Variants in ACTN4 observed in about 807,000 individuals in gnomAD.
ACTN4 encodes actinin alpha 4.
ACTN4 carries 18 observed loss-of-function variants against 114.2 expected under a neutral mutation model. That is an observed-to-expected ratio of 0.16 (90% CI 0.11 to 0.23). The LOEUF (loss-of-function observed/expected upper bound fraction) is 0.23, where lower values mean the gene tolerates loss of function less well. Ranked by LOEUF, ACTN4 falls within the 10% of genes least tolerant of loss-of-function variation. ACTN4 has a pLI of 1.00. For missense variants in ACTN4, 722 were observed against 1,262.9 expected (o/e 0.57, Z 6.49); for synonymous variants, 515 against 506.3 (o/e 1.02, Z -0.23).
chr19:38,728,415 T>G (rs1969326125), intron 19 of ACTN4: 2 of 710,860 alleles, frequency 2.8e-6, no homozygotes, highest in Non-Finnish European at 3.7e-6. Context: ...CACCCGCTCC[T>G]CCTCCTCCTC....
rs769386013 is a variant in ACTN4 at position 38,727,144 on chromosome 19, G to A, written c.2337+41G>A. Reference sequence around the variant, plus strand: ...CCTCCTCGGCCTCTCCCCTCCCGCCGTTGCCGTACCAGCCCACACCTTCGT... The same window carrying A: ...CCTCCTCGGCCTCTCCCCTCCCGCCATTGCCGTACCAGCCCACACCTTCGT... On this transcript the variant is annotated intron_variant, in intron 18 of 20. Coordinates refer to ENST00000252699, the MANE Select transcript of ACTN4 (RefSeq NM_004924.6). The surrounding 1 kb of genome is among the most constrained non-coding windows in gnomAD (Gnocchi z 5.4). 2.4e-5 allele frequency: 38 copies of A among 1,613,026 alleles called. No individual in the cohort carries two copies. The highest frequency in any genetic ancestry group is 8.8e-5 in the South Asian group (8 of 91,070).
rs1969432422 is a variant in ACTN4 at position 38,730,001 on chromosome 19, G to A, written c.*569G>A. Reference sequence around the variant, plus strand: ...GCTTTTGCAGCAGAGGAGCTGAGTTGGCAGACCGGGCCCCCCTGAACCGCA... The same window carrying A: ...GCTTTTGCAGCAGAGGAGCTGAGTTAGCAGACCGGGCCCCCCTGAACCGCA... On this transcript the variant is annotated 3_prime_UTR_variant, in exon 21 of 21. Transcript: ENST00000252699. 1 of 302,982 alleles carries A rather than the reference G, an allele frequency of 3.3e-6. No homozygotes were observed. 18.8% of individuals were successfully genotyped at this position (302,982 alleles called of 1,614,324 possible). A position where few individuals can be genotyped will look rare whatever the true frequency, so the allele number is the denominator to read the frequency against.
At chr19:38,706,887 C>G (rs8105069) in intron 5 of ACTN4, among the ~76,000 whole-genome samples, 8,616 of 152,298 alleles carry the variant, frequency 0.057, 260 homozygotes, top group South Asian at 0.096. Context: ...GTCCACCATC[C>G]CCGTAGCTGA....
chr19:38,718,221 T>C, intron 11 of ACTN4, 147 bp downstream of exon 11: 1 of 1,366,490 alleles, frequency 7.3e-7, no homozygotes, highest in Non-Finnish European at 1.0e-6. Flanking sequence ...GGAGCATGTG[T>C]GTGTGTCAGA....
At chr19:38,679,562 G>GGTGTGTGTGTGTGTGTGT (rs752412184) in intron 1 of ACTN4, among the ~76,000 whole-genome samples, 1 of 96,298 alleles carries the variant, frequency 1.0e-5, no homozygotes, top group African/African-American at 3.3e-5. Context: ...AATAGATTTG[G>GGTGTGTGTGTGTGTGTGT]GTGTGCGTGT....
At chr19:38,728,410 G>GCCCCTCCTCCTCCTC in intron 19 of ACTN4, 1 of 771,544 alleles carries the variant, frequency 1.3e-6, no homozygotes, top group Non-Finnish European at 1.8e-6. Context: ...CCAGCCACCC[G>GCCCCTCCTCCTCCTC]CTCCTCCTCC....
At position 38,731,220 on chromosome 19, in the gene ACTN4, A is replaced by G. The variant is rs1458644268; in HGVS notation, c.*1788A>G. The G allele has an allele frequency of 2.5e-6, 4 of 1,612,142 alleles. No individual in the cohort carries two copies. The highest frequency in any genetic ancestry group is 3.4e-6 in the Non-Finnish European group (4 of 1,179,796). The stretch of plus-strand genomic sequence containing the variant: ...CTGGGTCAGCTGGTTGTTCAGGTGG[A>G]AGCCTAGGGGGAGGCTGCTTCTGAG... On this transcript the variant is annotated 3_prime_UTR_variant, in exon 21 of 21. Transcript: ENST00000252699.
intron 1 of ACTN4, among the ~76,000 whole-genome samples, chr19:38,653,170 T>A (rs567836029): frequency 6.6e-6 from 1 of 152,250 alleles, no homozygotes; most frequent in South Asian, 2.1e-4. Context: ...TTCTGCTGTT[T>A]CAACATATGC....
intron 1 of ACTN4, among the ~76,000 whole-genome samples, chr19:38,678,628 C>T: frequency 6.6e-6 from 1 of 152,338 alleles, no homozygotes; most frequent in East Asian, 1.9e-4. Context: ...AGCTCCCTGG[C>T]TCTCTCCGGG....
At chr19:38,718,741 C>T (rs1334864654) in intron 11 of ACTN4, among the ~76,000 whole-genome samples, 1 of 152,170 alleles carries the variant, frequency 6.6e-6, no homozygotes, top group African/African-American at 2.4e-5. Context: ...GCGTGTCTTC[C>T]CCATCCAGGG....
chr19:38,683,736 T>A (rs1219856636), intron 1 of ACTN4: 3 of 152,248 alleles, frequency 2.0e-5, no homozygotes, highest in Admixed American at 1.3e-4. Flanking sequence ...TCTGTCATCA[T>A]GCCCATATAA....
intron 3 of ACTN4, 61 bp from the exon 4 acceptor site, chr19:38,704,873 C>T (rs1483195595): frequency 1.3e-5 from 19 of 1,512,086 alleles, no homozygotes; most frequent in South Asian, 4.5e-5. Flanking sequence ...TCAGGTTGGG[C>T]GGAGGAGCCT....
chr19:38,666,356 G>A (rs1443611601), intron 1 of ACTN4, among the ~76,000 whole-genome samples: 1 of 152,236 alleles, frequency 6.6e-6, no homozygotes, highest in South Asian at 2.1e-4. Context: ...AGTGACAACC[G>A]ATGGGGGCTG....
intron 8 of ACTN4, chr19:38,710,848 C>G: frequency 3.9e-6 from 1 of 256,132 alleles, no homozygotes; most frequent in African/African-American, 2.2e-5. Flanking sequence ...ATTCAGGGAC[C>G]AGCTAGAGAG....
chr19:38,693,035 G>A (rs1224585225), intron 1 of ACTN4, among the ~76,000 whole-genome samples: 1 of 152,218 alleles, frequency 6.6e-6, no homozygotes, highest in Non-Finnish European at 1.5e-5. Context: ...AGTCAACCCT[G>A]AGCCTGGGCA....
rs1243983126 is a variant in ACTN4, at chr19:38,717,769, G to A, written c.1144-158G>A. The stretch of plus-strand genomic sequence containing the variant: ...GAATTGATTGTACCTGCTGAGTGCT[G>A]GGGGGCCCTGTGTAGGCATCCAGGT... On this transcript the variant is annotated intron_variant, in intron 10 of 20. Coordinates refer to ENST00000252699, the MANE Select transcript of ACTN4 (RefSeq NM_004924.6). The surrounding 1 kb of genome is among the most constrained non-coding windows in gnomAD (Gnocchi z 4.0). Among the ~76,000 whole-genome samples, 1 of 152,166 alleles carries A rather than the reference G, an allele frequency of 6.6e-6. No individual in the cohort carries two copies. Among genetic ancestry groups the A allele is most frequent in the Non-Finnish European group, 1.5e-5 (1 of 68,026 alleles).
rs143282009 is a variant in ACTN4, at chr19:38,729,046, C to T, written c.2469C>T (p.Ser823=). The change falls in exon 20 of 21, where the codon AGC becomes AGT. Residue 823 remains serine, a synonymous_variant. Transcript: ENST00000252699. ...RIMSLVDPNH[S]GLVTFQAFID... The stretch of plus-strand genomic sequence containing the variant: ...TGAGCCTGGTCGACCCCAACCATAG[C>T]GGCCTTGTGACCTTCCAAGCCTTCA... 3.0e-4 allele frequency: 477 copies of T among 1,613,576 alleles called. No individual in the cohort carries two copies. The highest frequency in any genetic ancestry group is 1.8e-3 in the Middle Eastern group (11 of 6,058).
At chr19:38,671,691 G>T (rs1450587101) in intron 1 of ACTN4, among the ~76,000 whole-genome samples, 1 of 151,994 alleles carries the variant, frequency 6.6e-6, no homozygotes, top group Admixed American at 6.5e-5. Flanking sequence ...AAAACTTCAG[G>T]CCATTTTTTC....
intron 1 of ACTN4, among the ~76,000 whole-genome samples, chr19:38,653,172 A>G (rs1277339965): frequency 2.0e-5 from 3 of 152,066 alleles, no homozygotes; most frequent in Non-Finnish European, 4.4e-5. Context: ...CTGCTGTTTC[A>G]ACATATGCTC....
Sources: gnomAD v4.1 joint callset for allele counts (sites outside exome capture counted in the v4.1 genomes callset) on GRCh38, gnomAD v4.1.1 for gene constraint, Gnocchi (gnomAD v3.1) non-coding constraint, MANE v1.5 for transcripts, NCBI Gene and HGNC (gene_info 2026-07-23, HGNC 2026-07-21) for gene names.